NAV2: variants seen among roughly 807,000 people sequenced by gnomAD.
NAV2 encodes helicase, APC down-regulated 1.
Under a neutral mutation model 223.2 loss-of-function variants are expected in NAV2, and 54 were observed. That is an observed-to-expected ratio of 0.24 (90% CI 0.19 to 0.30). The LOEUF is 0.30. Among genes scored for constraint, NAV2 ranks in the 10% least tolerant of loss-of-function variants. The probability of loss-of-function intolerance (pLI) is 1.00; values close to 1 mark genes in which losing one functional copy is unlikely to be tolerated. For synonymous variants in NAV2, 1,279 were observed against 1,239.3 expected, an observed-to-expected ratio of 1.03 and a Z score of -0.67; for missense variants, 2,806 against 3,147.5, an observed-to-expected ratio of 0.89 and a Z score of 2.60.
At chr11:19,568,464 GGATTGT>G (rs1264278859) in intron 1 of NAV2, among the ~76,000 whole-genome samples, 3 of 152,164 alleles carry the variant, frequency 2.0e-5, no homozygotes, top group African/African-American at 7.2e-5. Flanking sequence ...GCCCAGTTCT[GGATTGT>G]GATTGTGAGT....
chr11:19,697,457 C>A (rs530665758), intron 1 of NAV2, among the ~76,000 whole-genome samples: 75 of 151,938 alleles, frequency 4.9e-4, no homozygotes, highest in Non-Finnish European at 6.8e-4. Flanking sequence ...AAAAAAGGAA[C>A]TGTCCTGCCT....
chr11:19,993,353 T>C (rs890336925), intron 11 of NAV2, among the ~76,000 whole-genome samples: 3 of 152,176 alleles, frequency 2.0e-5, no homozygotes, highest in Non-Finnish European at 4.4e-5. Flanking sequence ...GAGAGCATGG[T>C]GAACCACACA....
intron 4 of NAV2, among the ~76,000 whole-genome samples, chr11:19,877,378 C>T (rs1167404098): frequency 6.6e-6 from 1 of 152,012 alleles, no homozygotes; most frequent in Non-Finnish European, 1.5e-5. Context: ...GTACTTTCTC[C>T]CTCCAGTGAA....
intron 11 of NAV2, among the ~76,000 whole-genome samples, chr11:20,028,249 C>A (rs76627424): frequency 0.011 from 1,678 of 152,086 alleles, 42 homozygotes; most frequent in African/African-American, 0.038. Flanking sequence ...TGCTTTAAGC[C>A]CTCTGAGTGG....
At chr11:19,515,864 G>A (rs545324513) in intron 1 of NAV2, among the ~76,000 whole-genome samples, 1 of 152,186 alleles carries the variant, frequency 6.6e-6, no homozygotes, top group Non-Finnish European at 1.5e-5. Context: ...ATGGGATGAG[G>A]CATGTGAGTG....
At chr11:19,918,512 A>G (rs147708529) in intron 6 of NAV2, among the ~76,000 whole-genome samples, 3 of 152,336 alleles carry the variant, frequency 2.0e-5, no homozygotes, top group Admixed American at 6.5e-5. Context: ...TGAAAAAAGT[A>G]TATGCCTGCT....
intron 1 of NAV2, among the ~76,000 whole-genome samples, chr11:19,631,583 C>G (rs758277743): frequency 1.1e-4 from 16 of 152,188 alleles, no homozygotes; most frequent in Non-Finnish European, 1.5e-4. Context: ...CTCTCATTAC[C>G]TCCCCTGGCC....
chr11:19,600,896 TGCA>T (rs1767132672), intron 1 of NAV2, among the ~76,000 whole-genome samples: 1 of 152,238 alleles, frequency 6.6e-6, no homozygotes. Flanking sequence ...TCAGGCTTTC[TGCA>T]GCAGCATCAC....
intron 1 of NAV2, among the ~76,000 whole-genome samples, chr11:19,563,757 G>A (rs908555355): frequency 6.6e-6 from 1 of 152,112 alleles, no homozygotes; most frequent in Non-Finnish European, 1.5e-5. Context: ...GTTCAAATCT[G>A]GGCTCTGCCA....
rs1037219512 is a variant in NAV2, at chr11:19,468,667, T to G, written c.75+117640T>G. On this transcript the variant is annotated intron_variant, in intron 1 of 37. Transcript: ENST00000360655. Reference sequence around the variant, plus strand: ...GGGATTAGGACTTCAATATATCTTTTGGGATAACAAAATTCAACTCATAAC... The same window carrying G: ...GGGATTAGGACTTCAATATATCTTTGGGGATAACAAAATTCAACTCATAAC... 6.6e-5 allele frequency among the ~76,000 whole-genome samples: 10 copies of G among 152,194 alleles called. 2 individuals carry two copies. The highest frequency in any genetic ancestry group is 6.5e-4 in the Admixed American group (10 of 15,286).
At chr11:19,899,036 C>G (rs949393838) in intron 6 of NAV2, among the ~76,000 whole-genome samples, 1 of 152,192 alleles carries the variant, frequency 6.6e-6, no homozygotes, top group Non-Finnish European at 1.5e-5. Context: ...CTCTGTGAGT[C>G]TGAGGTCCTC....
intron 3 of NAV2, among the ~76,000 whole-genome samples, chr11:19,849,816 A>T (rs1691514284): frequency 6.6e-6 from 1 of 152,222 alleles, no homozygotes; most frequent in African/African-American, 2.4e-5. Context: ...GGAAGCATCC[A>T]CTGCTTCCCA....
At chr11:19,504,336 G>T (rs2043054751) in intron 1 of NAV2, 1 of 152,194 alleles carries the variant, frequency 6.6e-6, no homozygotes, top group African/African-American at 2.4e-5. Flanking sequence ...GCTCATGATG[G>T]TGACATTAAG....
At chr11:19,588,153 C>A (rs1483980149) in intron 1 of NAV2, among the ~76,000 whole-genome samples, 1 of 152,196 alleles carries the variant, frequency 6.6e-6, no homozygotes, top group Non-Finnish European at 1.5e-5. Context: ...AATTCCTGGT[C>A]AACTATTTCG....
In NAV2 at chr11:19,949,100, C is replaced by A. The variant is rs1014284610; in HGVS notation, c.2645+20C>A. The A allele has an allele frequency of 4.5e-6, 7 of 1,561,494 alleles. No individual in the cohort carries two copies. The highest frequency in any genetic ancestry group is 5.2e-6 in the Non-Finnish European group (6 of 1,153,378). ...AAGCGGGTAAGTACCCGGGGCCGCCCTTTCTCCCAGAGAGAAAGAGGGCTT... is the reference window on the plus strand; with the variant it reads ...AAGCGGGTAAGTACCCGGGGCCGCCATTTCTCCCAGAGAGAAAGAGGGCTT... On this transcript the variant is annotated intron_variant, in intron 10 of 37. Transcript: ENST00000349880.
chr11:19,644,067 C>T (rs200581525), intron 1 of NAV2, among the ~76,000 whole-genome samples: 8 of 151,750 alleles, frequency 5.3e-5, no homozygotes, highest in African/African-American at 1.5e-4. Context: ...CCTCTGTGTG[C>T]GTGTGTGCAT....
At chr11:19,707,257 T>C (rs1038614325) in intron 1 of NAV2, among the ~76,000 whole-genome samples, 1 of 152,254 alleles carries the variant, frequency 6.6e-6, no homozygotes, top group East Asian at 1.9e-4. Flanking sequence ...CTTAGTTAAC[T>C]GTAACTTTTT....
chr11:19,446,010 A>G (rs1851569750), intron 1 of NAV2, among the ~76,000 whole-genome samples: 2 of 152,214 alleles, frequency 1.3e-5, no homozygotes, highest in African/African-American at 4.8e-5. Flanking sequence ...TTGTGTCAAC[A>G]ATGTCTTTGT....
chr11:19,792,836 G>A (rs1013260700), intron 1 of NAV2, among the ~76,000 whole-genome samples: 1 of 151,884 alleles, frequency 6.6e-6, no homozygotes, highest in Non-Finnish European at 1.5e-5. Flanking sequence ...TGAGACTTGG[G>A]TTGTGAGGGA....
Sources: allele counts gnomAD v4.1 joint callset (sites outside exome capture counted in the v4.1 genomes callset), GRCh38; gene constraint gnomAD v4.1.1; transcripts MANE v1.5; gene names NCBI Gene and HGNC (gene_info 2026-07-23, HGNC 2026-07-21).